RTL4: variants seen among roughly 807,000 people sequenced by gnomAD.
RTL4 encodes the protein retrotransposon Gag like 4, also known as retrotransposon Gag-like protein 4.
In RTL4, 4 loss-of-function variants were observed where a neutral mutation model predicts 5.3. That is an observed-to-expected ratio of 0.75 (90% CI 0.37 to 1.72). The LOEUF is 1.72. Among genes scored for constraint, RTL4 ranks in the 40% most tolerant of loss-of-function variants. RTL4 has a pLI of 0.04. For synonymous variants in RTL4, 98 were observed against 87.3 expected, an observed-to-expected ratio of 1.12 and a Z score of -0.68; for missense variants, 260 against 227.1, an observed-to-expected ratio of 1.14 and a Z score of -0.93.
the RTL4 span, among the ~76,000 whole-genome samples, chrX:112,436,343 G>A: frequency 2.0e-4 from 22 of 111,398 alleles, 1 homozygote; most frequent in Admixed American, 1.5e-3. Context: ...GAATGGGTAG[G>A]ATGGAGAAGG....
chrX:112,150,499 C>CT, the RTL4 span, among the ~76,000 whole-genome samples: 1 of 111,433 alleles, frequency 9.0e-6, no homozygotes, highest in Non-Finnish European at 1.9e-5. Flanking sequence ...TTCTTCTTTT[C>CT]TTTTTTACCC....
the RTL4 span, among the ~76,000 whole-genome samples, chrX:112,425,326 C>T: frequency 1.8e-5 from 2 of 111,273 alleles, no homozygotes; most frequent in Non-Finnish European, 3.8e-5. Flanking sequence ...TTAATTGAGT[C>T]GCTTTTATTA....
At chrX:112,153,470 T>C in the RTL4 span, among the ~76,000 whole-genome samples, 5 of 112,322 alleles carry the variant, frequency 4.5e-5, no homozygotes, top group African/African-American at 1.6e-4. Context: ...ATTTTTGTCA[T>C]ACTTTTTACA....
At chrX:112,251,630 ATG>A in the RTL4 span, among the ~76,000 whole-genome samples, 97 of 107,803 alleles carry the variant, frequency 9.0e-4, 1 homozygote, top group Admixed American at 8.0e-4. Flanking sequence ...ATAATATATT[ATG>A]TGTGTGTGTG....
chrX:112,277,304 C>T, the RTL4 span, among the ~76,000 whole-genome samples: 1 of 111,656 alleles, frequency 9.0e-6, no homozygotes, highest in Non-Finnish European at 1.9e-5. Flanking sequence ...GAATCACGTT[C>T]TCTGGGAAAT....
At chrX:112,431,560 T>C in the RTL4 span, among the ~76,000 whole-genome samples, 1 of 111,229 alleles carries the variant, frequency 9.0e-6, no homozygotes, top group Non-Finnish European at 1.9e-5. Context: ...CTCCTGGGTT[T>C]CTGCTTTTGT....
the RTL4 span, among the ~76,000 whole-genome samples, chrX:112,205,794 C>T: frequency 1.4e-4 from 16 of 111,704 alleles, no homozygotes; most frequent in Non-Finnish European, 2.6e-4. Flanking sequence ...CATGTGTTAG[C>T]GGATATATAC....
the RTL4 span, among the ~76,000 whole-genome samples, chrX:112,281,335 G>A: frequency 2.7e-5 from 3 of 111,627 alleles, no homozygotes; most frequent in African/African-American, 9.8e-5. Context: ...CTTTTTTACG[G>A]CTGAATAGTA....
At chrX:112,104,367 G>GAGAT in the RTL4 span, among the ~76,000 whole-genome samples, 1 of 112,098 alleles carries the variant, frequency 8.9e-6, no homozygotes, top group African/African-American at 3.2e-5. Context: ...CATTGGAGTG[G>GAGAT]AGATAGCTCT....
chrX:112,146,323 C>T, the RTL4 span, among the ~76,000 whole-genome samples: 2 of 109,960 alleles, frequency 1.8e-5, no homozygotes. Flanking sequence ...AAATGAGGAA[C>T]AATAGGGAAA....
chrX:112,381,346 G>A, the RTL4 span: 11 of 1,206,952 alleles, frequency 9.1e-6, no homozygotes, highest in Admixed American at 2.4e-4. Context: ...AGCCAGAGAA[G>A]CTAACAAAGG....
At chrX:112,184,891 T>G in the RTL4 span, among the ~76,000 whole-genome samples, 1 of 111,712 alleles carries the variant, frequency 9.0e-6, no homozygotes, top group African/African-American at 3.3e-5. Flanking sequence ...CTATCTTGTT[T>G]TCTTTTGAGA....
the RTL4 span, among the ~76,000 whole-genome samples, chrX:112,285,619 C>T: frequency 9.0e-6 from 1 of 111,692 alleles, no homozygotes; most frequent in Non-Finnish European, 1.9e-5. Context: ...TTCATCATAT[C>T]AGTCTTTAAT....
chrX:112,442,290 G>C, the RTL4 span, among the ~76,000 whole-genome samples: 2 of 108,119 alleles, frequency 1.8e-5, no homozygotes, highest in African/African-American at 6.8e-5. Context: ...GTCTAGGATG[G>C]AGTGCAGTGG....
the RTL4 span, among the ~76,000 whole-genome samples, chrX:112,437,789 A>AGTGGTGGTGGTGATGGTGGTGGTG: frequency 1.4e-5 from 1 of 72,491 alleles, no homozygotes; most frequent in Non-Finnish European, 2.6e-5. Context: ...AAGTCATGGT[A>AGTGGTGGTGGTGATGGTGGTGGTG]GTGGTGGTGG....
the RTL4 span, among the ~76,000 whole-genome samples, chrX:112,411,955 C>T: frequency 9.1e-6 from 1 of 110,332 alleles, no homozygotes; most frequent in South Asian, 3.9e-4. Context: ...TTGTAAAAAC[C>T]TAAAGACTCC....
At chrX:112,437,213 A>G in the RTL4 span, among the ~76,000 whole-genome samples, 2 of 111,655 alleles carry the variant, frequency 1.8e-5, no homozygotes, top group Non-Finnish European at 3.8e-5. Context: ...GAATCTACCA[A>G]TTAAGAAGCT....
At chrX:112,424,098 A>G in the RTL4 span, among the ~76,000 whole-genome samples, 1 of 111,715 alleles carries the variant, frequency 9.0e-6, no homozygotes, top group Non-Finnish European at 1.9e-5. Flanking sequence ...AACCATATAA[A>G]TCCAAAAGGA....
the RTL4 span, among the ~76,000 whole-genome samples, chrX:112,192,217 T>G: frequency 9.1e-6 from 1 of 109,936 alleles, no homozygotes; most frequent in South Asian, 4.0e-4. Flanking sequence ...GACAGAGTTT[T>G]ACTTCTTCCT....
Sources: allele counts gnomAD v4.1 joint callset (sites outside exome capture counted in the v4.1 genomes callset), GRCh38; gene constraint gnomAD v4.1.1; transcripts MANE v1.5; gene names NCBI Gene and HGNC (gene_info 2026-07-23, HGNC 2026-07-21).